Variants in GBP7 observed in about 807,000 individuals in gnomAD.
GBP7 encodes guanylate binding protein 7, also known as guanylate-binding protein 7.
GBP7 carries 43 observed loss-of-function variants against 61.3 expected under a neutral mutation model. That is an observed-to-expected ratio of 0.70 (90% CI 0.55 to 0.91). The LOEUF (loss-of-function observed/expected upper bound fraction) is 0.91. GBP7 is among the 40% of genes least tolerant of loss of function. The pLI is 0.00. For missense variants in GBP7, 717 were observed against 740.5 expected, an observed-to-expected ratio of 0.97 and a Z score of 0.37; for synonymous variants, 267 against 271.0, an observed-to-expected ratio of 0.99 and a Z score of 0.14.
chr1:89,171,224 A>G (rs1233318888), intron 2 of GBP7, among the ~76,000 whole-genome samples: 1 of 152,204 alleles, frequency 6.6e-6, no homozygotes, highest in East Asian at 1.9e-4. Context: ...AAGAGTAGAA[A>G]TAGTAACTGA....
At position 89,133,319 on chromosome 1, in the gene GBP7, A is replaced by T. The variant is rs374167387; in HGVS notation, c.1601T>A (p.Met534Lys). 39 of 1,613,662 alleles carry T rather than the reference A, an allele frequency of 2.4e-5. No homozygotes were observed. Among genetic ancestry groups the T allele is most frequent in the Non-Finnish European group, 3.3e-5 (39 of 1,179,846 alleles). Residue 534 changes from methionine (M) to lysine (K), a missense_variant, in exon 10 of 11, where the codon ATG (methionine) becomes AAG (lysine). This residue lies in a region of GBP7 where 312 missense variants were observed against 310.1 expected (regional missense o/e 1.01). Coordinates refer to ENST00000294671, the MANE Select transcript of GBP7 (RefSeq NM_207398.3). ...QENIAQLKKK[M>K]ERERENYMRE... ...CATATAGTTTTCCCTTTCCCTCTCC[A>T]TCTTCTTCTTGAGTTGAGCTATGTT...
chr1:89,139,565 C>T (rs1447911738), intron 9 of GBP7, among the ~76,000 whole-genome samples: 1 of 152,154 alleles, frequency 6.6e-6, no homozygotes, highest in African/African-American at 2.4e-5. Context: ...GGGCTAATAT[C>T]CAGAATCTAC....
chr1:89,134,564 A>G (rs1031592897), intron 9 of GBP7, among the ~76,000 whole-genome samples: 26 of 151,074 alleles, frequency 1.7e-4, no homozygotes, highest in African/African-American at 6.1e-4. Flanking sequence ...CCCCCAGCTC[A>G]GGAGTGCTGA....
chr1:89,145,701 T>G (rs1375704024), intron 8 of GBP7, among the ~76,000 whole-genome samples: 1 of 151,970 alleles, frequency 6.6e-6, no homozygotes, highest in African/African-American at 2.4e-5. Flanking sequence ...TATGAAAAAA[T>G]AAGAAAATCA....
chr1:89,152,840 C>G lies in GBP7; in HGVS notation c.319-63G>C, dbSNP rs995865464. On this transcript the variant is annotated intron_variant, in intron 3 of 10. Transcript: ENST00000294671. ...CAGTTTAGATACATCTCAAGGTCAACTACTTGTATCCATGTAACCAAAACT... is the reference window on the plus strand; with the variant it reads ...CAGTTTAGATACATCTCAAGGTCAAGTACTTGTATCCATGTAACCAAAACT... The G allele has an allele frequency of 3.4e-5, 45 of 1,331,004 alleles. 1 individual carries two copies. The South Asian group carries it at 4.6e-4, about 14-fold the overall frequency. The allele number at this position is 1,331,004 out of a possible 1,614,324, so 82.4% of individuals were successfully genotyped here. A position where few individuals can be genotyped will look rare whatever the true frequency, so the allele number is the denominator to read the frequency against.
chr1:89,143,582 G>A (rs1239966196), intron 8 of GBP7, among the ~76,000 whole-genome samples: 1 of 152,094 alleles, frequency 6.6e-6, no homozygotes, highest in Non-Finnish European at 1.5e-5. Flanking sequence ...GGTTTAATGG[G>A]CTCATAGTTC....
rs920537556 is a variant in GBP7 at position 89,133,130 on chromosome 1, G to T, written c.1662+128C>A. 40 of 711,286 alleles carry T rather than the reference G, an allele frequency of 5.6e-5. No homozygotes were observed. In the African/African-American group the frequency reaches 6.2e-4, roughly 11 times the overall value. The allele number at this position is 711,286 out of a possible 1,614,324, so 44.1% of individuals were successfully genotyped here. A position where few individuals can be genotyped will look rare whatever the true frequency, so the allele number is the denominator to read the frequency against. On this transcript the variant is annotated intron_variant, in intron 10 of 10. Coordinates refer to ENST00000294671, the MANE Select transcript of GBP7 (RefSeq NM_207398.3). Reference sequence around the variant, plus strand: ...GCTTCAGTAGAATTCATATGTATTTGAAATTTAAGTGAAATATATCTTTTG... The same window carrying T: ...GCTTCAGTAGAATTCATATGTATTTTAAATTTAAGTGAAATATATCTTTTG...
In GBP7 at chr1:89,147,751, A is replaced by G; in HGVS notation, c.1181T>C (p.Phe394Ser). ...AGATGCCTCTTCATTCTGCAGCACA[A>G]AGTCTTCCTTCTTTTTCTCCATGGT... ...VDTMEKKKED[F>S]VLQNEEASAK... Residue 394 changes from phenylalanine to serine, a missense_variant, in exon 8 of 11, where the codon TTT becomes TCT. Physicochemically the swap from Phe to Ser is radical, Grantham distance 155. This residue lies in a region of GBP7 where 312 missense variants were observed against 310.1 expected (regional missense o/e 1.01). Transcript: ENST00000294671. 1 of 1,614,164 alleles carries G rather than the reference A, an allele frequency of 6.2e-7. No individual in the cohort carries two copies. The highest frequency in any genetic ancestry group is 1.7e-5 in the Admixed American group (1 of 60,018).
At chr1:89,154,753 T>G (rs1367381933) in intron 3 of GBP7, among the ~76,000 whole-genome samples, 1 of 151,644 alleles carries the variant, frequency 6.6e-6, no homozygotes, top group Non-Finnish European at 1.5e-5. Context: ...ATATTTTAAG[T>G]CCAGTGGTGC....
chr1:89,154,669 T>A lies in GBP7; in HGVS notation c.319-1892A>T, dbSNP rs567295311. Among the ~76,000 whole-genome samples, 12 of 151,176 alleles carry A rather than the reference T, an allele frequency of 7.9e-5. No individual in the cohort carries two copies. The South Asian group carries it at 2.1e-3, about 26-fold the overall frequency. Reference sequence around the variant, plus strand: ...GCCTCTATTTTCCTTTTTTTTTTTTTAACTTTAAATTTAAGTTCAGGCTTA... The same window carrying A: ...GCCTCTATTTTCCTTTTTTTTTTTTAAACTTTAAATTTAAGTTCAGGCTTA... On this transcript the variant is annotated intron_variant, in intron 3 of 10. Coordinates refer to ENST00000294671, the MANE Select transcript of GBP7 (RefSeq NM_207398.3).
chr1:89,138,392 A>G (rs914594346), intron 9 of GBP7, among the ~76,000 whole-genome samples: 3 of 152,198 alleles, frequency 2.0e-5, no homozygotes, highest in Non-Finnish European at 4.4e-5. Context: ...AGCCAGAGAC[A>G]TCACATGACT....
intron 3 of GBP7, among the ~76,000 whole-genome samples, chr1:89,153,576 A>G (rs1246003381): frequency 6.6e-6 from 1 of 152,248 alleles, no homozygotes; most frequent in Non-Finnish European, 1.5e-5. Flanking sequence ...TCAGCTATGT[A>G]CAAAATGCAG....
chr1:89,141,209 G>A (rs7518772), intron 9 of GBP7, among the ~76,000 whole-genome samples: 93,881 of 146,674 alleles, frequency 0.64, 29,874 homozygotes, highest in East Asian at 0.77. Context: ...AAGTTGGAAA[G>A]AAAAAAAAAA....
In GBP7 at chr1:89,147,495, A is replaced by T. The variant is rs990365131; in HGVS notation, c.1365+72T>A. 3.3e-6 allele frequency: 4 copies of T among 1,199,752 alleles called. No individual in the cohort carries two copies. The African/African-American group carries it at 6.1e-5, about 18-fold the overall frequency. The allele number at this position is 1,199,752 out of a possible 1,614,324, so 74.3% of individuals were successfully genotyped here. On this transcript the variant is annotated intron_variant, in intron 8 of 10. Coordinates refer to ENST00000294671, the MANE Select transcript of GBP7 (RefSeq NM_207398.3). Reference sequence around the variant, plus strand: ...TCGATAAATGGTGCTGTGTTCTTAGATTTTCAGAAGAGGCAACGAAGACCC... The same window carrying T: ...TCGATAAATGGTGCTGTGTTCTTAGTTTTTCAGAAGAGGCAACGAAGACCC...
chr1:89,170,418 C>A (rs1647566476), intron 2 of GBP7, among the ~76,000 whole-genome samples: 1 of 152,152 alleles, frequency 6.6e-6, no homozygotes, highest in Non-Finnish European at 1.5e-5. Flanking sequence ...AAAAAATTGA[C>A]TTAATAATGA....
chr1:89,149,711 A>T (rs1225693623), intron 6 of GBP7, 139 bp from the exon 7 acceptor site: 2 of 629,626 alleles, frequency 3.2e-6, no homozygotes, highest in Non-Finnish European at 5.4e-6. Flanking sequence ...TTTCAATTCT[A>T]CTATTACTAC....
rs1557457643 is a variant in GBP7, at chr1:89,149,531, T to G, written c.913A>C (p.Ser305Arg). The part of the protein sequence containing the change: ...LVETYLDAIN[S>R]GATPCLENAM... ...TTCTCCAGACAAGGAGTCGCTCCAC[T>G]GTTGATGGCATCCAGGTAGGTCTCC... Residue 305 changes from serine (S) to arginine (R), a missense_variant, in exon 7 of 11, where the codon AGT (serine) becomes CGT (arginine). Physicochemically the swap from Ser to Arg is moderately radical, Grantham distance 110. Around this residue, in one of 3 missense-constraint regions of GBP7, gnomAD observed 387 missense variants for 385.2 expected, o/e 1.00. Coordinates refer to ENST00000294671, the MANE Select transcript of GBP7 (RefSeq NM_207398.3). The G allele has an allele frequency of 1.2e-5, 19 of 1,614,170 alleles. No homozygotes were observed. The highest frequency in any genetic ancestry group is 1.6e-5 in the Non-Finnish European group (19 of 1,180,006).
intron 1 of GBP7, among the ~76,000 whole-genome samples, chr1:89,174,217 G>A (rs993132855): frequency 2.6e-5 from 4 of 152,118 alleles, no homozygotes; most frequent in African/African-American, 7.2e-5. Flanking sequence ...CTCTGCTAAC[G>A]TTATGCATGT....
chr1:89,133,220 T>C, intron 10 of GBP7, 38 bp downstream of exon 10: 1 of 1,532,366 alleles, frequency 6.5e-7, no homozygotes. Flanking sequence ...GGAACTGGCA[T>C]TGTGCCTCAA....
Sources: gnomAD v4.1 joint callset for allele counts (sites outside exome capture counted in the v4.1 genomes callset) on GRCh38, gnomAD v4.1.1 for gene constraint, gnomAD v4.1.1 regional missense constraint, MANE v1.5 for transcripts, NCBI Gene and HGNC (gene_info 2026-07-23, HGNC 2026-07-21) for gene names.